KDM1B: variants seen among roughly 807,000 people sequenced by gnomAD.
KDM1B encodes the protein lysine-specific histone demethylase 2.
KDM1B carries 63 observed loss-of-function variants against 107.4 expected under a neutral mutation model. The observed-to-expected ratio is 0.59, with a 90% CI of 0.48 to 0.72. The LOEUF is 0.72. Ranked by LOEUF, KDM1B falls within the 30% of genes least tolerant of loss-of-function variation. The pLI is 0.00. For missense variants in KDM1B, 749 were observed against 1,020.8 expected (o/e 0.73, Z 3.63); for synonymous variants, 363 against 363.9 (o/e 1.00, Z 0.03).
chr6:18,216,395 T>A lies in KDM1B; in HGVS notation c.2232+1266T>A, dbSNP rs572936265. Among the ~76,000 whole-genome samples, 3 of 152,274 alleles carry A rather than the reference T, an allele frequency of 2.0e-5. No individual in the cohort carries two copies. The South Asian group carries it at 6.2e-4, about 32-fold the overall frequency. On this transcript the variant is annotated intron_variant, in intron 20 of 21. Transcript: ENST00000650836. ...TGTATGGCCAGCCTTGTTGCTAATT[T>A]TATATGAGAGGATCTATCTAATGAT...
chr6:18,193,884 T>G (rs1787463172), intron 10 of KDM1B, among the ~76,000 whole-genome samples: 2 of 151,890 alleles, frequency 1.3e-5, no homozygotes, highest in Admixed American at 1.3e-4. Flanking sequence ...GTCTTTTTTT[T>G]TTTTTTAAGA....
intron 17 of KDM1B, among the ~76,000 whole-genome samples, chr6:18,208,762 A>G (rs1435591809): frequency 1.4e-5 from 2 of 142,624 alleles, no homozygotes; most frequent in African/African-American, 5.2e-5. Context: ...CTCCTGCCTC[A>G]ACCTCCCAAG....
Position 18,215,066 on chromosome 6 carries a change from C to G in KDM1B, c.2169C>G (p.Thr723=). The stretch of plus-strand genomic sequence containing the variant: ...GGGAGGCTGTCGCATCCGTGAGGAC[C>G]CTGGATGACAAACAGGTGCTGCAGC... ...IAGEAVASVR[T]LDDKQVLQQC... is the part of the protein sequence containing the mutation. The change falls in exon 20 of 22, where the codon ACC becomes ACG. Residue 723 remains threonine (T), a synonymous_variant. Transcript: ENST00000650836. The G allele has an allele frequency of 1.2e-6, 2 of 1,614,036 alleles. No homozygotes were observed. The highest frequency in any genetic ancestry group is 8.5e-7 in the Non-Finnish European group (1 of 1,179,998).
chr6:18,157,688 TTATG>T (rs1784712182), intron 2 of KDM1B, among the ~76,000 whole-genome samples: 1 of 151,186 alleles, frequency 6.6e-6, no homozygotes, highest in South Asian at 2.1e-4. Flanking sequence ...ATTTGTATAT[TTATG>T]TATATAATAA....
At chr6:18,169,496 G>A (rs1255661772) in intron 6 of KDM1B, among the ~76,000 whole-genome samples, 1 of 152,096 alleles carries the variant, frequency 6.6e-6, no homozygotes, top group Non-Finnish European at 1.5e-5. Context: ...AAAGTTCTGG[G>A]ATTATAGGCG....
At chr6:18,177,716 T>TA (rs1174404357) in intron 7 of KDM1B, among the ~76,000 whole-genome samples, 4 of 152,002 alleles carry the variant, frequency 2.6e-5, no homozygotes, top group Admixed American at 2.6e-4. Context: ...GCACCACACC[T>TA]GTTTTGTAAA....
At position 18,166,369 on chromosome 6, in the gene KDM1B, C is replaced by A. The variant is rs929451029; in HGVS notation, c.408C>A (p.Leu136=). Reference sequence around the variant, plus strand: ...AAGCTTTCATGGCAGACCAGCAACTCCCCTACTGGGTAAGGAGAGTGATGC... The same window carrying A: ...AAGCTTTCATGGCAGACCAGCAACTACCCTACTGGGTAAGGAGAGTGATGC... The part of the protein sequence containing the change: ...SPKAFMADQQ[L]PYWVQCTKPE... The change falls in exon 6 of 22, where the codon CTC becomes CTA. Residue 136 remains leucine, a synonymous_variant. Transcript: ENST00000650836. The A allele has an allele frequency of 6.3e-7, 1 of 1,597,746 alleles. No individual in the cohort carries two copies. Among genetic ancestry groups the A allele is most frequent in the African/African-American group, 1.3e-5 (1 of 74,758 alleles).
intron 15 of KDM1B, among the ~76,000 whole-genome samples, chr6:18,207,159 T>A (rs1470546643): frequency 1.3e-5 from 2 of 152,222 alleles, no homozygotes; most frequent in Non-Finnish European, 2.9e-5. Flanking sequence ...CAGCTTCTAT[T>A]TTTATCAAGG....
At chr6:18,179,053 C>T (rs1786252918) in intron 7 of KDM1B, among the ~76,000 whole-genome samples, 1 of 152,200 alleles carries the variant, frequency 6.6e-6, no homozygotes, top group African/African-American at 2.4e-5. Flanking sequence ...TCTTTGTAGA[C>T]ATTCTTTATG....
intron 10 of KDM1B, among the ~76,000 whole-genome samples, chr6:18,196,228 C>T (rs1787641353): frequency 6.6e-6 from 1 of 152,160 alleles, no homozygotes; most frequent in Non-Finnish European, 1.5e-5. Flanking sequence ...CTTTATTCAT[C>T]CATCAGTGGA....
At position 18,197,426 on chromosome 6, in the gene KDM1B, G is replaced by A. The variant is rs1370410272; in HGVS notation, c.1147-161G>A. On this transcript the variant is annotated intron_variant, in intron 11 of 21. Coordinates refer to ENST00000650836, the MANE Select transcript of KDM1B (RefSeq NM_001364614.2). The surrounding 1 kb of genome is among the most constrained non-coding windows in gnomAD (Gnocchi z 4.5). ...CCCAGATTGTAGGGAAAAAGGGAAG[G>A]GAGTAATAAGACAAGTGCCACCACA... Among the ~76,000 whole-genome samples the A allele has an allele frequency of 6.6e-6, 1 of 152,162 alleles. No individual in the cohort carries two copies. The highest frequency in any genetic ancestry group is 2.4e-5 in the African/African-American group (1 of 41,420).
chr6:18,176,193 GTATTT>G (rs1335308471), intron 7 of KDM1B, among the ~76,000 whole-genome samples: 4 of 152,128 alleles, frequency 2.6e-5, no homozygotes, highest in Non-Finnish European at 5.9e-5. Flanking sequence ...TTATTCCTAA[GTATTT>G]TATTTTATTT....
Position 18,212,805 on chromosome 6 carries a change from G to A in KDM1B, c.1983+201G>A, listed in dbSNP as rs1298647419. On this transcript the variant is annotated intron_variant, in intron 18 of 21. Coordinates refer to ENST00000650836, the MANE Select transcript of KDM1B (RefSeq NM_001364614.2). The surrounding 1 kb of genome is among the most constrained non-coding windows in gnomAD (Gnocchi z 5.2). Reference sequence around the variant, plus strand: ...GAGGAGAGCTGGCTGAGGTCTGTGAGTTTTGACTTTAGGAGAAAGAATCTT... The same window carrying A: ...GAGGAGAGCTGGCTGAGGTCTGTGAATTTTGACTTTAGGAGAAAGAATCTT... Among the ~76,000 whole-genome samples the A allele has an allele frequency of 6.6e-6, 1 of 152,220 alleles. No homozygotes were observed. Among genetic ancestry groups the A allele is most frequent in the Non-Finnish European group, 1.5e-5 (1 of 68,050 alleles).
At position 18,208,603 on chromosome 6, in the gene KDM1B, G is replaced by GTATATATATATGTATA. The variant is rs1554149813; in HGVS notation, c.1866+408_1866+409insGTATATATATATATAT. 1.8e-3 allele frequency among the ~76,000 whole-genome samples: 62 copies of GTATATATATATGTATA among 34,914 alleles called. 2 individuals carry two copies. Among genetic ancestry groups the GTATATATATATGTATA allele is most frequent in the African/African-American group, 6.8e-3 (58 of 8,562 alleles). 22.9% of individuals were successfully genotyped at this position (34,914 alleles called of 152,430 possible). On this transcript the variant is annotated intron_variant, in intron 17 of 21. Coordinates refer to ENST00000650836, the MANE Select transcript of KDM1B (RefSeq NM_001364614.2). ...TAGGGTTAAATAGAAGTATGTGTAT[G>GTATATATATATGTATA]TATATATATATATATATATATATAT... is the stretch of plus-strand genomic sequence containing the variant.
Position 18,213,602 on chromosome 6 carries a change from C to G in KDM1B, c.1984-54C>G. 1 of 1,605,186 alleles carries G rather than the reference C, an allele frequency of 6.2e-7. No homozygotes were observed. Among genetic ancestry groups the G allele is most frequent in the Non-Finnish European group, 8.5e-7 (1 of 1,172,562 alleles). The stretch of plus-strand genomic sequence containing the variant: ...CTACAGGTTGCTGCTTAGATATTGC[C>G]TGTGGTTTTGTGACGACAGACACCT... On this transcript the variant is annotated intron_variant, in intron 18 of 21. Coordinates refer to ENST00000650836, the MANE Select transcript of KDM1B (RefSeq NM_001364614.2). This position sits in a 1 kb window ranked among gnomAD's most constrained non-coding sequence, Gnocchi z 5.9.
intron 7 of KDM1B, among the ~76,000 whole-genome samples, chr6:18,174,179 T>A (rs1785842182): frequency 6.6e-6 from 1 of 152,212 alleles, no homozygotes; most frequent in Non-Finnish European, 1.5e-5. Flanking sequence ...CCCAATGCTC[T>A]GCTGTCATGA....
intron 5 of KDM1B, among the ~76,000 whole-genome samples, chr6:18,165,744 C>T (rs899371858): frequency 6.6e-6 from 1 of 152,192 alleles, no homozygotes; most frequent in African/African-American, 2.4e-5. Flanking sequence ...ATCCCTTGAA[C>T]CCAGGAGGTG....
At position 18,212,314 on chromosome 6, in the gene KDM1B, T is replaced by A; in HGVS notation, c.1867-174T>A. On this transcript the variant is annotated intron_variant, in intron 17 of 21. Coordinates refer to ENST00000650836, the MANE Select transcript of KDM1B (RefSeq NM_001364614.2). This position sits in a 1 kb window ranked among gnomAD's most constrained non-coding sequence, Gnocchi z 5.2. ...GTTTTTTGCCCACTCTTCCCTGTGG[T>A]TGCCACTTCTGCTTAGCCAGGCATT... 1 of 653,506 alleles carries A rather than the reference T, an allele frequency of 1.5e-6. No individual in the cohort carries two copies. The highest frequency in any genetic ancestry group is 2.8e-6 in the Non-Finnish European group (1 of 362,436). The allele number at this position is 653,506 out of a possible 1,614,324, so 40.5% of individuals were successfully genotyped here.
Position 18,213,450 on chromosome 6 carries a change from A to C in KDM1B, c.1984-206A>C, listed in dbSNP as rs112721029. On this transcript the variant is annotated intron_variant, in intron 18 of 21. Coordinates refer to ENST00000650836, the MANE Select transcript of KDM1B (RefSeq NM_001364614.2). This position sits in a 1 kb window ranked among gnomAD's most constrained non-coding sequence, Gnocchi z 5.9. ...AAACTCCGTCTCAAAAAAAAAAAAA[A>C]CCCAAAAAACAAAACAAAACAAAAA... is the stretch of plus-strand genomic sequence containing the variant. Among the ~76,000 whole-genome samples, 3,451 of 151,436 alleles carry C rather than the reference A, an allele frequency of 0.023. 127 individuals are homozygous for C. Among genetic ancestry groups the C allele is most frequent in the African/African-American group, 0.079 (3,266 of 41,216 alleles).
Sources: gnomAD v4.1 joint callset for allele counts (sites outside exome capture counted in the v4.1 genomes callset) on GRCh38, gnomAD v4.1.1 for gene constraint, Gnocchi (gnomAD v3.1) non-coding constraint, MANE v1.5 for transcripts, NCBI Gene and HGNC (gene_info 2026-07-23, HGNC 2026-07-21) for gene names.